The following ADK variants were observed in gnomAD, a reference collection of about 807,000 sequenced individuals.
The protein encoded by ADK is adenosine kinase, also known as N6,N6-dimethyladenosine kinase.
In ADK, 24 loss-of-function variants were observed where a neutral mutation model predicts 44.7. The observed-to-expected ratio is 0.54, with a 90% CI of 0.39 to 0.76. The LOEUF is 0.76. Among genes scored for constraint, ADK ranks in the 30% least tolerant of loss-of-function variants. ADK has a pLI of 0.00. For missense variants in ADK, 321 were observed against 425.1 expected (o/e 0.76, Z 2.15); for synonymous variants, 128 against 142.6 (o/e 0.90, Z 0.73).
chr10:74,184,093 T>A (rs1415225946), intron 1 of ADK, among the ~76,000 whole-genome samples: 1 of 152,004 alleles, frequency 6.6e-6, no homozygotes, highest in Admixed American at 6.6e-5. Context: ...AATTTTTGTA[T>A]TTTTAGTAGA....
intron 3 of ADK, among the ~76,000 whole-genome samples, chr10:74,311,961 A>G (rs981578487): frequency 1.1e-4 from 16 of 152,018 alleles, no homozygotes; most frequent in African/African-American, 3.9e-4. Flanking sequence ...AGGTCAAGAG[A>G]TGGAGACCAT....
At chr10:74,196,807 C>A (rs528567211) in intron 1 of ADK, among the ~76,000 whole-genome samples, 4 of 152,284 alleles carry the variant, frequency 2.6e-5, no homozygotes, top group African/African-American at 9.6e-5. Context: ...CAGACCTGCA[C>A]TTGTACCCCT....
chr10:74,619,681 A>G (rs990575127), intron 9 of ADK, among the ~76,000 whole-genome samples: 1 of 152,116 alleles, frequency 6.6e-6, no homozygotes, highest in African/African-American at 2.4e-5. Context: ...TAATTTCCAC[A>G]TAATAATTGC....
At chr10:74,362,682 G>T (rs1317370677) in intron 4 of ADK, among the ~76,000 whole-genome samples, 1 of 152,206 alleles carries the variant, frequency 6.6e-6, no homozygotes, top group Non-Finnish European at 1.5e-5. Context: ...CTTTGTTTGT[G>T]CCTGTCCTTC....
intron 9 of ADK, among the ~76,000 whole-genome samples, chr10:74,611,880 G>A (rs1432587073): frequency 6.6e-6 from 1 of 152,090 alleles, no homozygotes; most frequent in African/African-American, 2.4e-5. Flanking sequence ...CGCTGTTGAT[G>A]GACACTTAGG....
At chr10:74,205,650 AGT>A (rs1186207792) in intron 2 of ADK, among the ~76,000 whole-genome samples, 2 of 140,372 alleles carry the variant, frequency 1.4e-5, no homozygotes, top group African/African-American at 5.3e-5. Flanking sequence ...CACTCCAGCC[AGT>A]GTGACAGCCT....
chr10:74,478,994 C>T (rs1846965200), intron 6 of ADK, among the ~76,000 whole-genome samples: 1 of 151,992 alleles, frequency 6.6e-6, no homozygotes. Flanking sequence ...CCACATGTAT[C>T]TTTTTTTAAA....
chr10:74,586,868 AAT>A (rs1564806485), intron 7 of ADK, among the ~76,000 whole-genome samples: 2 of 150,592 alleles, frequency 1.3e-5, no homozygotes, highest in African/African-American at 4.9e-5. Flanking sequence ...AAAAAAAAAA[AAT>A]ATATATGTAT....
At chr10:74,331,012 A>G (rs117262279) in intron 4 of ADK, among the ~76,000 whole-genome samples, 15 of 152,120 alleles carry the variant, frequency 9.9e-5, no homozygotes, top group African/African-American at 1.9e-4. Context: ...TCCCACCCCA[A>G]TTTATATTTC....
chr10:74,291,129 CAA>C (rs1847409256), intron 3 of ADK, among the ~76,000 whole-genome samples: 1 of 151,970 alleles, frequency 6.6e-6, no homozygotes, highest in Non-Finnish European at 1.5e-5. Flanking sequence ...TAAAAATAAA[CAA>C]AAGAGGCTGG....
intron 8 of ADK, among the ~76,000 whole-genome samples, chr10:74,597,274 T>C (rs1851957625): frequency 6.6e-6 from 1 of 152,214 alleles, no homozygotes; most frequent in Admixed American, 6.5e-5. Context: ...AACTTTAGTC[T>C]TAGAAAAATT....
intron 3 of ADK, among the ~76,000 whole-genome samples, chr10:74,281,049 A>T (rs1435954663): frequency 6.6e-6 from 1 of 152,246 alleles, no homozygotes; most frequent in Non-Finnish European, 1.5e-5. Flanking sequence ...CCAAAATCTG[A>T]AACATTTTGT....
chr10:74,312,454 T>C (rs765744778), intron 3 of ADK, among the ~76,000 whole-genome samples: 2 of 151,838 alleles, frequency 1.3e-5, no homozygotes, highest in Non-Finnish European at 2.9e-5. Context: ...ACAGAAAGTT[T>C]CTAAGAATTT....
intron 7 of ADK, among the ~76,000 whole-genome samples, chr10:74,534,611 A>T (rs1428242667): frequency 6.6e-6 from 1 of 152,228 alleles, no homozygotes; most frequent in African/African-American, 2.4e-5. Context: ...AGGCAATTCC[A>T]TGTGTTTTTC....
intron 3 of ADK, among the ~76,000 whole-genome samples, chr10:74,277,458 G>A (rs548301272): frequency 2.0e-5 from 3 of 151,716 alleles, no homozygotes; most frequent in Non-Finnish European, 4.4e-5. Flanking sequence ...GTGCAGTGGT[G>A]TGATCTCGGC....
At chr10:74,582,537 G>T (rs1455349315) in intron 7 of ADK, among the ~76,000 whole-genome samples, 1 of 151,992 alleles carries the variant, frequency 6.6e-6, no homozygotes, top group Non-Finnish European at 1.5e-5. Context: ...CTTAAAAGTG[G>T]GAATGAACAA....
intron 7 of ADK, among the ~76,000 whole-genome samples, chr10:74,534,034 A>C (rs928156136): frequency 1.3e-5 from 2 of 152,238 alleles, no homozygotes; most frequent in East Asian, 3.8e-4. Flanking sequence ...TGTAAAGTAC[A>C]TTCTATATGA....
chr10:74,190,328 A>G (rs1842917618), intron 1 of ADK, among the ~76,000 whole-genome samples: 3 of 152,198 alleles, frequency 2.0e-5, no homozygotes, highest in Non-Finnish European at 4.4e-5. Flanking sequence ...CAGTTCATCC[A>G]TAGCCTTGAC....
chr10:74,649,009 G>A (rs1014602025), intron 9 of ADK, among the ~76,000 whole-genome samples: 7 of 151,760 alleles, frequency 4.6e-5, no homozygotes, highest in African/African-American at 1.7e-4. Flanking sequence ...GTGAAACCCT[G>A]TCTCTACTAA....
Sources: allele counts gnomAD v4.1 joint callset (sites outside exome capture counted in the v4.1 genomes callset), GRCh38; gene constraint gnomAD v4.1.1; transcripts MANE v1.5; gene names NCBI Gene and HGNC (gene_info 2026-07-23, HGNC 2026-07-21).